Variants in SH3RF3 observed in about 807,000 individuals in gnomAD.
The protein encoded by SH3RF3 is E3 ubiquitin-protein ligase SH3RF3.
A neutral mutation model predicts 66.3 loss-of-function variants in SH3RF3; 29 were observed. The ratio of observed to expected loss-of-function variants is 0.44; its 90% CI spans 0.33 to 0.60. The LOEUF (loss-of-function observed/expected upper bound fraction) is 0.60, where lower values mean the gene tolerates loss of function less well. Among genes scored for constraint, SH3RF3 ranks in the 20% least tolerant of loss-of-function variants. The probability of loss-of-function intolerance (pLI) is 0.04; values close to 1 mark genes in which losing one functional copy is unlikely to be tolerated. For missense variants in SH3RF3, 1,194 were observed against 1,190.9 expected, an observed-to-expected ratio of 1.00 and a Z score of -0.04; for synonymous variants, 583 against 532.0, an observed-to-expected ratio of 1.10 and a Z score of -1.32.
chr2:109,437,726 G>A (rs1323515227), intron 7 of SH3RF3, among the ~76,000 whole-genome samples: 1 of 151,420 alleles, frequency 6.6e-6, no homozygotes. Flanking sequence ...AGAAACTTAA[G>A]GAAAACCGGT....
chr2:109,169,692 A>G (rs895794620), intron 1 of SH3RF3, among the ~76,000 whole-genome samples: 5 of 152,146 alleles, frequency 3.3e-5, no homozygotes, highest in South Asian at 2.1e-4. Flanking sequence ...TTGTTTGGCT[A>G]TATCTCTCTC....
intron 1 of SH3RF3, among the ~76,000 whole-genome samples, chr2:109,315,477 G>C (rs1220383990): frequency 6.6e-6 from 1 of 152,254 alleles, no homozygotes; most frequent in Non-Finnish European, 1.5e-5. Context: ...CTTTTACTAA[G>C]AGGCAGTAAG....
At chr2:109,141,652 C>T (rs900176536) in intron 1 of SH3RF3, 1 of 154,818 alleles carries the variant, frequency 6.5e-6, no homozygotes, top group African/African-American at 2.4e-5. Context: ...GTGATGACGC[C>T]TGGGGATAAC....
chr2:109,157,791 A>G (rs998586447), intron 1 of SH3RF3, among the ~76,000 whole-genome samples: 1 of 152,144 alleles, frequency 6.6e-6, no homozygotes, highest in Non-Finnish European at 1.5e-5. Context: ...CAGAGGGTAA[A>G]AGGACACCTT....
intron 3 of SH3RF3, among the ~76,000 whole-genome samples, 184 bp downstream of exon 3, chr2:109,371,865 C>G (rs1190489690): frequency 6.6e-6 from 1 of 152,220 alleles, no homozygotes; most frequent in African/African-American, 2.4e-5. Context: ...GCTGTGAGCA[C>G]TGCCTTGGCC....
At chr2:109,274,152 C>A (rs1680693714) in intron 1 of SH3RF3, among the ~76,000 whole-genome samples, 1 of 152,188 alleles carries the variant, frequency 6.6e-6, no homozygotes, top group Admixed American at 6.5e-5. Context: ...TGGAAATCTT[C>A]TAGGATCTGG....
At chr2:109,246,751 GT>G (rs558591136) in intron 1 of SH3RF3, among the ~76,000 whole-genome samples, 198 of 152,352 alleles carry the variant, frequency 1.3e-3, no homozygotes, top group African/African-American at 4.2e-3. Context: ...GGATGCCGGG[GT>G]GGAGATGATA....
At position 109,375,779 on chromosome 2, in the gene SH3RF3, G is replaced by A. The variant is rs145861034; in HGVS notation, c.945+4098G>A. 9.3e-3 allele frequency among the ~76,000 whole-genome samples: 1,418 copies of A among 152,354 alleles called. 17 individuals carry two copies. Among genetic ancestry groups the A allele is most frequent in the African/African-American group, 0.032 (1,349 of 41,582 alleles). On this transcript the variant is annotated intron_variant, in intron 3 of 9. Coordinates refer to ENST00000309415, the MANE Select transcript of SH3RF3 (RefSeq NM_001099289.3). ...GCACAGGGTCCAAGTTGACCTGCTT[G>A]GGGTCAGGCCTCGGCCCAGCCCTCA...
intron 3 of SH3RF3, among the ~76,000 whole-genome samples, chr2:109,389,363 C>T (rs1185455468): frequency 1.3e-5 from 2 of 152,240 alleles, no homozygotes; most frequent in Non-Finnish European, 2.9e-5. Context: ...TGGGTGCCGA[C>T]AGCTTTCTGT....
At chr2:109,482,932 A>G (rs1678873302) in intron 8 of SH3RF3, among the ~76,000 whole-genome samples, 1 of 152,250 alleles carries the variant, frequency 6.6e-6, no homozygotes, top group East Asian at 1.9e-4. Flanking sequence ...TGGCAAGGGC[A>G]GCATTTTTGA....
At chr2:109,393,142 C>T (rs1017081663) in intron 3 of SH3RF3, among the ~76,000 whole-genome samples, 5 of 152,202 alleles carry the variant, frequency 3.3e-5, no homozygotes, top group African/African-American at 1.2e-4. Flanking sequence ...TTCATCTGCT[C>T]CTGAGTTTTT....
Position 109,398,730 on chromosome 2 carries a change from G to A in SH3RF3, c.1086G>A (p.Ala362=), listed in dbSNP as rs542535234. ...GTCCCACTTTAAGCAGCTCAGGGGC[G>A]GTCAGTGCCTTTCAGCGGCGTGTGG... ...APSPTLSSSG[A]VSAFQRRVDG... is the part of the protein sequence containing the mutation. Residue 362 remains alanine, a synonymous_variant, in exon 4 of 10, where the codon GCG becomes GCA. Transcript: ENST00000309415. 7 of 1,613,160 alleles carry A rather than the reference G, an allele frequency of 4.3e-6. No individual in the cohort carries two copies. Among genetic ancestry groups the A allele is most frequent in the South Asian group, 1.1e-5 (1 of 90,804 alleles).
chr2:109,306,309 C>T (rs4676270), intron 1 of SH3RF3, among the ~76,000 whole-genome samples: 10 of 152,286 alleles, frequency 6.6e-5, no homozygotes, highest in Admixed American at 3.3e-4. Context: ...TTCCACCCTG[C>T]GATGTTGTTC....
chr2:109,330,877 T>C (rs1286944696), intron 1 of SH3RF3, among the ~76,000 whole-genome samples: 1 of 152,184 alleles, frequency 6.6e-6, no homozygotes, highest in East Asian at 1.9e-4. Flanking sequence ...GACCAATTCC[T>C]CTGGTAAGGG....
At chr2:109,470,035 G>A (rs7369007) in intron 8 of SH3RF3, among the ~76,000 whole-genome samples, 71,177 of 151,996 alleles carry the variant, frequency 0.47, 18,319 homozygotes, top group Non-Finnish European at 0.56. Context: ...CTCTTCGTGC[G>A]TCCTGTCTGA....
chr2:109,333,837 C>G (rs1682342060), intron 1 of SH3RF3, among the ~76,000 whole-genome samples: 1 of 151,972 alleles, frequency 6.6e-6, no homozygotes, highest in Non-Finnish European at 1.5e-5. Context: ...AATAATATCT[C>G]CATTATAATA....
intron 1 of SH3RF3, among the ~76,000 whole-genome samples, chr2:109,179,058 T>C (rs937703031): frequency 1.1e-4 from 15 of 141,662 alleles, no homozygotes; most frequent in Non-Finnish European, 1.4e-4. Flanking sequence ...AGAATGAGAG[T>C]CTGTAAGTAA....
At chr2:109,363,747 G>A (rs967388144) in intron 2 of SH3RF3, among the ~76,000 whole-genome samples, 1 of 152,008 alleles carries the variant, frequency 6.6e-6, no homozygotes, top group African/African-American at 2.4e-5. Context: ...ATTCTAGGTT[G>A]GTAGGTTTTT....
Position 109,398,949 on chromosome 2 carries a change from A to G in SH3RF3, c.1299+6A>G, listed in dbSNP as rs1327159223. 6.2e-7 allele frequency: 1 copy of G among 1,606,896 alleles called. No homozygotes were observed. The highest frequency in any genetic ancestry group is 8.5e-7 in the Non-Finnish European group (1 of 1,177,566). The stretch of plus-strand genomic sequence containing the variant: ...CGTGCGCTGCTCCCACCCAGGTAAC[A>G]TCCCGCGGGCCAGGGCAGGCATCCC... On this transcript the variant is annotated splice_donor_region_variant and intron_variant, in intron 4 of 9. Transcript: ENST00000309415.
Sources: gnomAD v4.1 joint callset for allele counts (sites outside exome capture counted in the v4.1 genomes callset) on GRCh38, gnomAD v4.1.1 for gene constraint, MANE v1.5 for transcripts, NCBI Gene and HGNC (gene_info 2026-07-23, HGNC 2026-07-21) for gene names.